The following IQSEC1 variants were observed in gnomAD, a reference collection of about 807,000 sequenced individuals.
The protein encoded by IQSEC1 is IQ motif and SEC7 domain-containing protein 1.
A neutral mutation model predicts 91.0 loss-of-function variants in IQSEC1; 31 were observed. The ratio of observed to expected loss-of-function variants is 0.34; its 90% CI spans 0.26 to 0.46. The LOEUF (loss-of-function observed/expected upper bound fraction) is 0.46. Ranked by LOEUF, IQSEC1 falls within the 20% of genes least tolerant of loss-of-function variation. The pLI is 1.00. For missense variants in IQSEC1, 1,388 were observed against 1,575.6 expected, an observed-to-expected ratio of 0.88 and a Z score of 2.02; for synonymous variants, 699 against 662.6, an observed-to-expected ratio of 1.05 and a Z score of -0.84.
chr3:12,959,463 C>G (rs371507712), intron 1 of IQSEC1, among the ~76,000 whole-genome samples: 1 of 152,210 alleles, frequency 6.6e-6, no homozygotes, highest in Admixed American at 6.5e-5. Flanking sequence ...CCTACCCTGA[C>G]CCAGGAAGGC....
chr3:12,955,854 C>G (rs1379079795), intron 1 of IQSEC1, among the ~76,000 whole-genome samples: 1 of 152,214 alleles, frequency 6.6e-6, no homozygotes, highest in Non-Finnish European at 1.5e-5. Context: ...CCTCGGACTG[C>G]ACGGAGCTCT....
intron 1 of IQSEC1, among the ~76,000 whole-genome samples, chr3:13,209,344 T>A (rs191547554): frequency 6.6e-6 from 1 of 152,222 alleles, no homozygotes; most frequent in African/African-American, 2.4e-5. Context: ...TAAATTAGCA[T>A]AGATTAAATG....
At chr3:13,186,668 G>A (rs973507954) in intron 1 of IQSEC1, among the ~76,000 whole-genome samples, 5 of 152,158 alleles carry the variant, frequency 3.3e-5, no homozygotes, top group Admixed American at 6.5e-5. Context: ...CTAGTTCAGG[G>A]TGAGTCCTTG....
At chr3:13,019,858 G>A (rs764102212) in intron 1 of IQSEC1, among the ~76,000 whole-genome samples, 3 of 152,152 alleles carry the variant, frequency 2.0e-5, no homozygotes, top group Non-Finnish European at 4.4e-5. Context: ...CAGCCACAAA[G>A]CCTCCCGTAA....
intron 2 of IQSEC1, among the ~76,000 whole-genome samples, chr3:13,124,360 T>G (rs1706476528): frequency 6.6e-6 from 1 of 152,146 alleles, no homozygotes; most frequent in East Asian, 1.9e-4. Context: ...CTCTAGAATG[T>G]TAACCATGGG....
At chr3:12,971,889 G>T (rs1700916736) in intron 1 of IQSEC1, among the ~76,000 whole-genome samples, 2 of 152,140 alleles carry the variant, frequency 1.3e-5, no homozygotes, top group South Asian at 2.1e-4. Context: ...GGGCGTGGTG[G>T]TGGGTGCCTG....
intron 2 of IQSEC1, among the ~76,000 whole-genome samples, chr3:13,112,237 C>T (rs755645940): frequency 2.9e-4 from 44 of 152,346 alleles, no homozygotes; most frequent in Non-Finnish European, 3.4e-4. Context: ...ACATTCACCA[C>T]GGCAGGTGCC....
At chr3:13,136,025 G>GC (rs1224049222) in intron 2 of IQSEC1, among the ~76,000 whole-genome samples, 1 of 152,226 alleles carries the variant, frequency 6.6e-6, no homozygotes, top group Non-Finnish European at 1.5e-5. Context: ...TGCAGACCCA[G>GC]CCCTCCTCCA....
chr3:13,057,430 C>T (rs1704917165), intron 1 of IQSEC1, among the ~76,000 whole-genome samples: 2 of 152,208 alleles, frequency 1.3e-5, no homozygotes, highest in Admixed American at 1.3e-4. Context: ...AACACACACT[C>T]AGAACCATGC....
At chr3:13,217,061 A>G (rs1694563992) in intron 1 of IQSEC1, among the ~76,000 whole-genome samples, 1 of 152,160 alleles carries the variant, frequency 6.6e-6, no homozygotes, top group African/African-American at 2.4e-5. Flanking sequence ...TACAGATGAC[A>G]AAAGATGATT....
chr3:13,186,227 C>G (rs1021951457), intron 1 of IQSEC1, among the ~76,000 whole-genome samples: 1 of 152,138 alleles, frequency 6.6e-6, no homozygotes, highest in East Asian at 1.9e-4. Context: ...CAGGGATGGG[C>G]CTGTCTCATT....
intron 1 of IQSEC1, among the ~76,000 whole-genome samples, chr3:13,252,804 C>T (rs1212694917): frequency 6.6e-6 from 1 of 152,076 alleles, no homozygotes; most frequent in Non-Finnish European, 1.5e-5. Flanking sequence ...ACAATCTCAG[C>T]TCACTGCCAG....
At chr3:13,215,603 C>A (rs1041969706) in intron 1 of IQSEC1, among the ~76,000 whole-genome samples, 1 of 152,204 alleles carries the variant, frequency 6.6e-6, no homozygotes, top group African/African-American at 2.4e-5. Flanking sequence ...CAAAGTTGCA[C>A]AGATAATAAA....
chr3:13,132,250 G>T (rs139141857), intron 2 of IQSEC1, among the ~76,000 whole-genome samples: 102 of 152,322 alleles, frequency 6.7e-4, no homozygotes, highest in African/African-American at 2.4e-3. Context: ...CCACTGCTAG[G>T]GCAAGACTTT....
In IQSEC1 at chr3:12,915,733, C is replaced by T. The variant is rs758753339; in HGVS notation, c.2021G>A (p.Gly674Asp). 3 of 1,613,882 alleles carry T rather than the reference C, an allele frequency of 1.9e-6. No homozygotes were observed. The highest frequency in any genetic ancestry group is 8.5e-7 in the Non-Finnish European group (1 of 1,179,806). The change falls in exon 7 of 14, where the codon GGT becomes GAT. Residue 674 changes from glycine (G) to aspartate (D), a missense_variant and splice_region_variant. Around this residue, in one of 2 missense-constraint regions of IQSEC1, gnomAD observed 1,059 missense variants for 1,317.8 expected, o/e 0.80. Coordinates refer to ENST00000613206, the MANE Select transcript of IQSEC1 (RefSeq NM_001134382.3). ...KLEDFIKNLR[G>D]VDDGEDIPRE... ...GGGAATGTCCTCACCATCGTCCACA[C>T]CTGGGTAGGGGATGCAGCTGGATAT... is the stretch of plus-strand genomic sequence containing the variant.
intron 1 of IQSEC1, among the ~76,000 whole-genome samples, chr3:13,191,864 C>T (rs1484821604): frequency 6.6e-6 from 1 of 152,176 alleles, no homozygotes; most frequent in Non-Finnish European, 1.5e-5. Context: ...TTCTTCATGC[C>T]TCCCTGTCCT....
Position 12,936,258 on chromosome 3 carries a change from T to G in IQSEC1, c.758A>C (p.Glu253Ala). 1 of 1,613,306 alleles carries G rather than the reference T, an allele frequency of 6.2e-7. No individual in the cohort carries two copies. Among genetic ancestry groups the G allele is most frequent in the Non-Finnish European group, 8.5e-7 (1 of 1,179,978 alleles). The change falls in exon 3 of 14, where the codon GAG (glutamate) becomes GCG (alanine). Residue 253 changes from glutamate to alanine, a missense_variant. Around this residue, in one of 2 missense-constraint regions of IQSEC1, gnomAD observed 1,059 missense variants for 1,317.8 expected, o/e 0.80. Coordinates refer to ENST00000613206, the MANE Select transcript of IQSEC1 (RefSeq NM_001134382.3). Reference protein sequence around the residue: ...ALNCRSLHTEEAPALDAARAR... With the variant: ...ALNCRSLHTEAAPALDAARAR... ...CCGCGCCGCATCCAGGGCCGGTGCCTCCTCAGTGTGCAGGCTGCGGCAGTT... is the reference window on the plus strand; with the variant it reads ...CCGCGCCGCATCCAGGGCCGGTGCCGCCTCAGTGTGCAGGCTGCGGCAGTT...
At chr3:12,978,125 T>A (rs1016586013) in intron 1 of IQSEC1, among the ~76,000 whole-genome samples, 2 of 152,206 alleles carry the variant, frequency 1.3e-5, no homozygotes, top group Non-Finnish European at 2.9e-5. Flanking sequence ...GTTCACATAA[T>A]CCTGACAGAA....
In IQSEC1 at chr3:13,280,849, A is replaced by G. The variant is rs926364006; in HGVS notation, c.272+1862T>C. On this transcript the variant is annotated intron_variant, in intron 1 of 15. Coordinates refer to the IQSEC1 transcript ENST00000648114. ...TTCCCTAAAGGCAATGCTCTCCCTC[A>G]CAGGCCTTGGCTGTGTCTCCACTAA... Among the ~76,000 whole-genome samples, 7 of 152,314 alleles carry G rather than the reference A, an allele frequency of 4.6e-5. No individual in the cohort carries two copies. In the South Asian group the frequency reaches 6.2e-4, roughly 14 times the overall value.
Sources: gnomAD v4.1 joint callset for allele counts (sites outside exome capture counted in the v4.1 genomes callset) on GRCh38, gnomAD v4.1.1 for gene constraint, gnomAD v4.1.1 regional missense constraint, MANE v1.5 for transcripts, NCBI Gene and HGNC (gene_info 2026-07-23, HGNC 2026-07-21) for gene names.